The following STXBP2 variants were observed in gnomAD, a reference collection of about 807,000 sequenced individuals.
STXBP2 encodes syntaxin binding protein 2, also known as syntaxin-binding protein 2.
In STXBP2, 47 loss-of-function variants were observed where a neutral mutation model predicts 72.2. That is an observed-to-expected ratio of 0.65 (90% confidence interval 0.51 to 0.83). STXBP2 has a LOEUF of 0.83. Ranked by LOEUF, STXBP2 falls within the 40% of genes least tolerant of loss-of-function variation. The probability of loss-of-function intolerance (pLI) is 0.00; values close to 1 mark genes in which losing one functional copy is unlikely to be tolerated. For missense variants in STXBP2, 702 were observed against 807.6 expected (o/e 0.87, Z 1.58); for synonymous variants, 367 against 338.7 (o/e 1.08, Z -0.92).
At position 7,641,793 on chromosome 19, in the gene STXBP2, C is replaced by T. The variant is rs1162386556; in HGVS notation, c.518C>T (p.Ala173Val). 1 of 1,551,504 alleles carries T rather than the reference C, an allele frequency of 6.4e-7. No homozygotes were observed. Among genetic ancestry groups the T allele is most frequent in the South Asian group, 1.2e-5 (1 of 84,126 alleles). ...CGCACGCGGCAGCTCGAGGTGCTGG[C>T]CCAGCAGATTGCCACGCTGTGCGCC... The part of the protein sequence containing the change: ...EERTRQLEVL[A>V]QQIATLCATL... The change falls in exon 7 of 19, where the codon GCC becomes GTC. Residue 173 changes from alanine to valine, a missense_variant. Coordinates refer to ENST00000221283, the MANE Select transcript of STXBP2 (RefSeq NM_006949.4).
rs1157060069 is a variant in STXBP2, at chr19:7,645,307, G to T, written c.1356+1G>T. 6.3e-7 allele frequency: 1 copy of T among 1,579,456 alleles called. No individual in the cohort carries two copies. Among genetic ancestry groups the T allele is most frequent in the Non-Finnish European group, 8.6e-7 (1 of 1,161,600 alleles). On this transcript the variant is annotated splice_donor_variant, in intron 15 of 18. Coordinates refer to ENST00000221283, the MANE Select transcript of STXBP2 (RefSeq NM_006949.4). LOFTEE classifies it high-confidence loss of function. ...GGGAGGCACTGTCACCAACCCCGGG[G>T]TACGCCAGGAGCGGGCATGGGGGGA...
the STXBP2 span, chr19:7,630,300 CTTTTGATTGT>C: frequency 9.5e-6 from 5 of 526,038 alleles, no homozygotes; most frequent in African/African-American, 1.9e-5. Context: ...CGAGGAGATG[CTTTTGATTGT>C]AGCTGGGGCG....
intron 13 of STXBP2, 77 bp downstream of exon 13, chr19:7,643,322 A>C: frequency 1.2e-6 from 1 of 865,312 alleles, no homozygotes; most frequent in Non-Finnish European, 1.8e-6. Flanking sequence ...AACTGTAGAG[A>C]TGGGGGGTTC....
chr19:7,631,526 G>A, the STXBP2 span: 2 of 1,536,000 alleles, frequency 1.3e-6, no homozygotes, highest in Non-Finnish European at 1.7e-6. Context: ...GGGAGGAGAA[G>A]CTCCTTCGCG....
upstream of STXBP2, chr19:7,636,978 C>T (rs1259674303): frequency 2.9e-6 from 2 of 681,236 alleles, no homozygotes; most frequent in Non-Finnish European, 4.1e-6. Context: ...GCCCGTCCTC[C>T]CCGCCAGGGA....
upstream of STXBP2, chr19:7,636,695 G>A (rs948156974): frequency 6.2e-6 from 1 of 160,108 alleles, no homozygotes; most frequent in Admixed American, 6.4e-5. Flanking sequence ...AGTTATCCAA[G>A]ACGGCTGCTG....
chr19:7,637,435 C>A (rs1000859301), intron 1 of STXBP2, among the ~76,000 whole-genome samples: 2 of 152,050 alleles, frequency 1.3e-5, no homozygotes, highest in Admixed American at 1.3e-4. Context: ...TAGAGTGTGG[C>A]GGAGGCTGGG....
chr19:7,631,576 T>C, the STXBP2 span: 4 of 1,527,962 alleles, frequency 2.6e-6, no homozygotes, highest in Non-Finnish European at 3.5e-6. Flanking sequence ...GTGGGAGTCC[T>C]AGCCCCTCCC....
chr19:7,644,796 C>CG (rs775607712), intron 14 of STXBP2, 44 bp downstream of exon 14: 2 of 1,612,638 alleles, frequency 1.2e-6, no homozygotes, highest in Non-Finnish European at 1.7e-6. Flanking sequence ...CATTTGCCAG[C>CG]GTCTCCCACG....
chr19:7,641,845 C>G lies in STXBP2; in HGVS notation c.570C>G (p.Arg190=). 2 of 1,555,534 alleles carry G rather than the reference C, an allele frequency of 1.3e-6. No individual in the cohort carries two copies. Among genetic ancestry groups the G allele is most frequent in the Non-Finnish European group, 1.7e-6 (2 of 1,150,320 alleles). ...CATLQEYPAI[R]YRKGPEDTAQ... The stretch of plus-strand genomic sequence containing the variant: ...CCCTGCAGGAGTACCCGGCCATCCG[C>G]TACCGCAAGTGGGGACCCCACCCAG... The change falls in exon 7 of 19, where the codon CGC becomes CGG. Residue 190 remains arginine (R), a synonymous_variant. Coordinates refer to ENST00000221283, the MANE Select transcript of STXBP2 (RefSeq NM_006949.4).
At chr19:7,645,554 T>C (rs914120926) in intron 15 of STXBP2, among the ~76,000 whole-genome samples, 3 of 151,322 alleles carry the variant, frequency 2.0e-5, no homozygotes, top group African/African-American at 7.3e-5. Flanking sequence ...GTCCTGGCAG[T>C]GGTGCAGTTG....
upstream of STXBP2, chr19:7,636,972 G>T: frequency 1.8e-6 from 1 of 569,980 alleles, no homozygotes; most frequent in Non-Finnish European, 2.5e-6. Flanking sequence ...GCACCTGCCC[G>T]TCCTCCCCGC....
chr19:7,632,607 G>C, upstream of STXBP2: 1 of 1,590,156 alleles, frequency 6.3e-7, no homozygotes, highest in Admixed American at 1.7e-5. The surrounding 1 kb of genome is among the most constrained non-coding windows in gnomAD (Gnocchi z 5.2). Context: ...GCTTCAGGGT[G>C]CACAACCACC....
chr19:7,640,861 G>A, intron 5 of STXBP2, 39 bp from the exon 6 acceptor site: 1 of 1,613,782 alleles, frequency 6.2e-7, no homozygotes, highest in Non-Finnish European at 8.5e-7. Flanking sequence ...AGGTGTGGGG[G>A]CTGCTCTGGC....
Position 7,642,646 on chromosome 19 carries a change from G to T in STXBP2, c.902+110G>T. The T allele has an allele frequency of 6.7e-7, 1 of 1,487,306 alleles. No individual in the cohort carries two copies. Among genetic ancestry groups the T allele is most frequent in the Non-Finnish European group, 9.3e-7 (1 of 1,070,402 alleles). 92.1% of individuals were successfully genotyped at this position (1,487,306 alleles called of 1,614,324 possible). On this transcript the variant is annotated intron_variant, in intron 10 of 18. Transcript: ENST00000221283. This position sits in a 1 kb window ranked among gnomAD's most constrained non-coding sequence, Gnocchi z 6.0. ...TCTTTGGCCCTCATGAGCACCCCTC[G>T]TGTGACTCCAGACTGGCCTCCAATT...
chr19:7,640,670 T>C, intron 4 of STXBP2, 61 bp from the exon 5 acceptor site: 1 of 1,608,314 alleles, frequency 6.2e-7, no homozygotes, highest in Non-Finnish European at 8.5e-7. Context: ...CTGGGAGGCC[T>C]AGGCAGCCAA....
upstream of STXBP2, among the ~76,000 whole-genome samples, chr19:7,635,862 C>G (rs2031509870): frequency 1.3e-5 from 2 of 152,192 alleles, no homozygotes; most frequent in Non-Finnish European, 2.9e-5. Flanking sequence ...TGCATCCTGG[C>G]ACTGGGATGG....
At chr19:7,632,564 C>T (rs755967868), upstream of STXBP2, 18 of 1,604,864 alleles carry the variant, frequency 1.1e-5, no homozygotes, top group South Asian at 2.0e-4. The surrounding 1 kb of genome is among the most constrained non-coding windows in gnomAD (Gnocchi z 5.2). Flanking sequence ...GGAGTGGGGG[C>T]CCCCAACCCT....
At position 7,641,852 on chromosome 19, in the gene STXBP2, A is replaced by C. The variant is rs752534004; in HGVS notation, c.577A>C (p.Lys193Gln). 7.1e-6 allele frequency: 11 copies of C among 1,556,462 alleles called. No homozygotes were observed. Among genetic ancestry groups the C allele is most frequent in the East Asian group, 2.4e-5 (1 of 41,202 alleles). ...GGAGTACCCGGCCATCCGCTACCGC[A>C]AGTGGGGACCCCACCCAGCCCCACC... ...LQEYPAIRYR[K>Q]GPEDTAQLAH... The change falls in exon 7 of 19, where the codon AAG (lysine) becomes CAG (glutamine). Residue 193 changes from lysine to glutamine, a missense_variant and splice_region_variant. Transcript: ENST00000221283.
Sources: gnomAD v4.1 joint callset for allele counts (sites outside exome capture counted in the v4.1 genomes callset) on GRCh38, gnomAD v4.1.1 for gene constraint, Gnocchi (gnomAD v3.1) non-coding constraint, MANE v1.5 for transcripts, NCBI Gene and HGNC (gene_info 2026-07-23, HGNC 2026-07-21) for gene names.